The following ATP6V1A variants were observed in gnomAD, a reference collection of about 807,000 sequenced individuals.
ATP6V1A encodes ATPase H+ transporting V1 subunit A, also known as V-type proton ATPase catalytic subunit A.
In ATP6V1A, 18 loss-of-function variants were observed where a neutral mutation model predicts 70.1. The ratio of observed to expected loss-of-function variants is 0.26; its 90% CI spans 0.18 to 0.38. The LOEUF (loss-of-function observed/expected upper bound fraction) is 0.38. Ranked by LOEUF, ATP6V1A falls within the 10% of genes least tolerant of loss-of-function variation. ATP6V1A has a pLI of 1.00. For missense variants in ATP6V1A, 424 were observed against 772.4 expected (o/e 0.55, Z 5.35); for synonymous variants, 232 against 253.8 (o/e 0.91, Z 0.82).
At chr3:113,761,577 A>C (rs1308379187) in intron 1 of ATP6V1A, among the ~76,000 whole-genome samples, 2 of 151,572 alleles carry the variant, frequency 1.3e-5, no homozygotes, top group African/African-American at 2.4e-5. Flanking sequence ...ACTCTACTAA[A>C]AATACATAAT....
intron 1 of ATP6V1A, among the ~76,000 whole-genome samples, chr3:113,774,539 G>A (rs554511098): frequency 6.6e-6 from 1 of 152,272 alleles, no homozygotes; most frequent in Non-Finnish European, 1.5e-5. Flanking sequence ...CATTTGCTGG[G>A]TGCGGTGGCT....
intron 7 of ATP6V1A, 100 bp downstream of exon 7, chr3:113,788,975 C>T (rs1052470473): frequency 9.6e-7 from 1 of 1,046,292 alleles, no homozygotes; most frequent in East Asian, 2.6e-5. Flanking sequence ...GCAATGCTGT[C>T]ATTCGTCAAG....
chr3:113,775,186 T>G (rs1708894942), intron 1 of ATP6V1A, among the ~76,000 whole-genome samples: 1 of 152,018 alleles, frequency 6.6e-6, no homozygotes, highest in Admixed American at 6.6e-5. Flanking sequence ...TCAAATAGTG[T>G]AACTGATGAC....
intron 8 of ATP6V1A, among the ~76,000 whole-genome samples, chr3:113,790,433 T>A (rs761642032): frequency 6.6e-6 from 1 of 152,098 alleles, no homozygotes; most frequent in African/African-American, 2.4e-5. Context: ...TTTCACTACA[T>A]GTTTTATCAT....
intron 1 of ATP6V1A, among the ~76,000 whole-genome samples, chr3:113,760,423 C>T (rs2108011620): frequency 6.6e-6 from 1 of 152,222 alleles, no homozygotes; most frequent in East Asian, 1.9e-4. Flanking sequence ...TCTTCTATTC[C>T]ATCCATTAAA....
At chr3:113,780,058 A>T (rs1413018740) in intron 2 of ATP6V1A, among the ~76,000 whole-genome samples, 3 of 152,166 alleles carry the variant, frequency 2.0e-5, no homozygotes, top group Admixed American at 6.5e-5. Flanking sequence ...GTACTTAATA[A>T]GGTAATGGAA....
chr3:113,790,338 A>G lies in ATP6V1A; in HGVS notation c.988+498A>G, dbSNP rs892460094. 9.9e-5 allele frequency among the ~76,000 whole-genome samples: 15 copies of G among 150,842 alleles called. 1 individual carries two copies. Among genetic ancestry groups the G allele is most frequent in the South Asian group, 4.2e-4 (2 of 4,794 alleles). On this transcript the variant is annotated intron_variant, in intron 8 of 14. Transcript: ENST00000273398. ...AAAAAAAAAAAAAAATTTACTTACT[A>G]TGTCTTCAGAATAAGTGAATGTAAG... is the stretch of plus-strand genomic sequence containing the variant.
intron 11 of ATP6V1A, 37 bp downstream of exon 11, chr3:113,795,976 TTCC>T: frequency 6.6e-7 from 1 of 1,525,268 alleles, no homozygotes; most frequent in South Asian, 1.2e-5. Flanking sequence ...TTCTGAGCCT[TTCC>T]TCCTCTCTGC....
chr3:113,800,750 A>T (rs1015354488), intron 12 of ATP6V1A, among the ~76,000 whole-genome samples: 3 of 152,200 alleles, frequency 2.0e-5, no homozygotes, highest in African/African-American at 7.2e-5. Context: ...TTAAAACAAA[A>T]AAAAGAGTTT....
intron 1 of ATP6V1A, among the ~76,000 whole-genome samples, chr3:113,771,196 A>G (rs771839476): frequency 3.3e-5 from 5 of 152,218 alleles, no homozygotes; most frequent in African/African-American, 7.2e-5. Context: ...TTAAAAGCCT[A>G]TTTTTCACTG....
At chr3:113,778,270 T>G (rs1483977256) in intron 1 of ATP6V1A, among the ~76,000 whole-genome samples, 1 of 152,166 alleles carries the variant, frequency 6.6e-6, no homozygotes, top group Non-Finnish European at 1.5e-5. Context: ...CACGTGCACC[T>G]GTAATTCCAG....
rs546728369 is a variant in ATP6V1A, at chr3:113,805,339, C to T, written c.1590-15C>T. 1.6e-5 allele frequency: 26 copies of T among 1,608,948 alleles called. No individual in the cohort carries two copies. Among genetic ancestry groups the T allele is most frequent in the Non-Finnish European group, 2.2e-5 (26 of 1,178,530 alleles). ...GTTTATTTTTGTTAATTTTTTGGAC[C>T]TTCATTTATTCTAGGTTCTGCCCAT... On this transcript the variant is annotated splice_polypyrimidine_tract_variant and intron_variant, in intron 13 of 14. Transcript: ENST00000273398.
At chr3:113,792,999 A>G (rs1709112925) in intron 8 of ATP6V1A, among the ~76,000 whole-genome samples, 1 of 151,960 alleles carries the variant, frequency 6.6e-6, no homozygotes, top group African/African-American at 2.4e-5. Flanking sequence ...TTCCTTTTGG[A>G]TGATAGTTGT....
At chr3:113,764,668 T>C (rs2108014825) in intron 1 of ATP6V1A, among the ~76,000 whole-genome samples, 1 of 152,262 alleles carries the variant, frequency 6.6e-6, no homozygotes, top group Admixed American at 6.5e-5. Context: ...TGATGTCTTG[T>C]TTTTTCTTTG....
chr3:113,790,485 T>C (rs529367655), intron 8 of ATP6V1A, among the ~76,000 whole-genome samples: 1 of 152,198 alleles, frequency 6.6e-6, no homozygotes, highest in Non-Finnish European at 1.5e-5. Flanking sequence ...TAACTTGAAT[T>C]ATCAGCTTTG....
chr3:113,765,648 T>C (rs1217481306), intron 1 of ATP6V1A, among the ~76,000 whole-genome samples: 1 of 145,508 alleles, frequency 6.9e-6, no homozygotes, highest in African/African-American at 2.6e-5. Context: ...CCGGGCGCGG[T>C]GGCTCGGCCT....
At chr3:113,808,321 G>A (rs1200390335) in intron 14 of ATP6V1A, among the ~76,000 whole-genome samples, 4 of 113,024 alleles carry the variant, frequency 3.5e-5, no homozygotes, top group Admixed American at 1.2e-4. Context: ...GAGACAGAGT[G>A]TCACTCTGTC....
intron 12 of ATP6V1A, among the ~76,000 whole-genome samples, chr3:113,802,290 G>A (rs1396693068): frequency 6.6e-6 from 1 of 152,134 alleles, no homozygotes; most frequent in East Asian, 1.9e-4. Flanking sequence ...AAGCCAAGAT[G>A]TGAAGAGGTA....
chr3:113,757,799 A>G (rs1708661592), intron 1 of ATP6V1A, among the ~76,000 whole-genome samples: 1 of 152,224 alleles, frequency 6.6e-6, no homozygotes, highest in Admixed American at 6.5e-5. Flanking sequence ...TGCTGTTTCT[A>G]GGGTTAAAAT....
Sources: gnomAD v4.1 joint callset for allele counts (sites outside exome capture counted in the v4.1 genomes callset) on GRCh38, gnomAD v4.1.1 for gene constraint, MANE v1.5 for transcripts, NCBI Gene and HGNC (gene_info 2026-07-23, HGNC 2026-07-21) for gene names.